STAG1: variants seen among roughly 807,000 people sequenced by gnomAD.
The protein encoded by STAG1 is cohesin subunit SA-1.
A neutral mutation model predicts 170.9 loss-of-function variants in STAG1; 26 were observed. The observed-to-expected ratio is 0.15, with a 90% CI of 0.11 to 0.21. The LOEUF is 0.21. Among genes scored for constraint, STAG1 ranks in the 10% least tolerant of loss-of-function variants. The pLI is 1.00. For missense variants in STAG1, 964 were observed against 1,509.5 expected (o/e 0.64, Z 5.99); for synonymous variants, 514 against 497.7 (o/e 1.03, Z -0.44).
intron 23 of STAG1, among the ~76,000 whole-genome samples, chr3:136,370,671 C>G (rs1033112409): frequency 2.0e-5 from 3 of 152,150 alleles, no homozygotes; most frequent in Non-Finnish European, 4.4e-5. Flanking sequence ...TCATCCATGT[C>G]CCTACAAAGG....
chr3:136,751,819 G>A (rs1184016392), intron 1 of STAG1, among the ~76,000 whole-genome samples: 9 of 150,826 alleles, frequency 6.0e-5, no homozygotes, highest in African/African-American at 7.3e-5. Context: ...GGGGGGGGGC[G>A]GAGGGCGGGC....
In STAG1 at chr3:136,683,414, C is replaced by A. The variant is rs1942407536; in HGVS notation, c.-83-52433G>T. Among the ~76,000 whole-genome samples, 3 of 152,148 alleles carry A rather than the reference C, an allele frequency of 2.0e-5. No homozygotes were observed. In the South Asian group the frequency reaches 6.2e-4, roughly 32 times the overall value. ...AAGTAGCTAGGACCACAGGTGCACA[C>A]CAACACACCCAGCTAATTTTTGTAT... On this transcript the variant is annotated intron_variant, in intron 1 of 33. Transcript: ENST00000383202.
intron 14 of STAG1, among the ~76,000 whole-genome samples, chr3:136,450,841 T>C (rs1425573285): frequency 6.6e-6 from 1 of 152,148 alleles, no homozygotes; most frequent in Non-Finnish European, 1.5e-5. Context: ...CTCTGCCTCC[T>C]GGGTTCAAGC....
In STAG1 at chr3:136,466,630, T is replaced by C. The variant is rs528630889; in HGVS notation, c.1206-1642A>G. The stretch of plus-strand genomic sequence containing the variant: ...CCAATCTAGCAAGGCAGGCCAACGT[T>C]CAGATTCAGGAAATACAGAGAACGC... On this transcript the variant is annotated intron_variant, in intron 12 of 33. Transcript: ENST00000383202. 8.9e-4 allele frequency among the ~76,000 whole-genome samples: 135 copies of C among 152,142 alleles called. 1 individual carries two copies. Among genetic ancestry groups the C allele is most frequent in the Admixed American group, 2.2e-3 (34 of 15,278 alleles).
chr3:136,604,454 C>T lies in STAG1; in HGVS notation c.152G>A (p.Arg51Gln), dbSNP rs1407019438. 2.5e-6 allele frequency: 4 copies of T among 1,598,808 alleles called. No individual in the cohort carries two copies. The highest frequency in any genetic ancestry group is 1.1e-5 in the South Asian group (1 of 87,372). ...TCTGCTCTTCTCACCTGGAGATTTT[C>T]GAGGTTTCTTATTTGTAGACTGAAA... is the stretch of plus-strand genomic sequence containing the variant. ...GRPPSTNKKP[R>Q]KSPGEKSRIE... Residue 51 changes from arginine (R) to glutamine (Q), a missense_variant, in exon 4 of 34, where the codon CGA becomes CAA. Coordinates refer to ENST00000383202, the MANE Select transcript of STAG1 (RefSeq NM_005862.3).
At chr3:136,615,037 T>G (rs1273841339) in intron 3 of STAG1, among the ~76,000 whole-genome samples, 1 of 152,116 alleles carries the variant, frequency 6.6e-6, no homozygotes, top group Non-Finnish European at 1.5e-5. Context: ...CTAAAAACCT[T>G]CTAAGAGAAA....
intron 1 of STAG1, among the ~76,000 whole-genome samples, chr3:136,660,079 A>G (rs1027651348): frequency 3.3e-5 from 5 of 152,258 alleles, no homozygotes; most frequent in Middle Eastern, 3.2e-3. Flanking sequence ...GCGTGTGCGC[A>G]TGTGTGTCTG....
intron 21 of STAG1, among the ~76,000 whole-genome samples, chr3:136,399,630 T>C (rs1005034353): frequency 6.6e-6 from 1 of 152,204 alleles, no homozygotes; most frequent in Non-Finnish European, 1.5e-5. Context: ...ACTTTTACAC[T>C]GCTTTGAGTT....
intron 4 of STAG1, among the ~76,000 whole-genome samples, chr3:136,589,129 G>A (rs981109518): frequency 6.6e-6 from 1 of 151,996 alleles, no homozygotes; most frequent in African/African-American, 2.4e-5. Context: ...AACCTCAGGT[G>A]ATCCGCCTGT....
intron 7 of STAG1, among the ~76,000 whole-genome samples, chr3:136,508,614 G>C (rs1933887775): frequency 6.6e-6 from 1 of 152,330 alleles, no homozygotes; most frequent in South Asian, 2.1e-4. Flanking sequence ...CATAAACCCA[G>C]AATTCAAGGT....
chr3:136,425,967 GT>G lies in STAG1; in HGVS notation c.1651-2924del, dbSNP rs527582100. 1.5e-3 allele frequency among the ~76,000 whole-genome samples: 224 copies of G among 148,032 alleles called. 1 individual carries two copies. Among genetic ancestry groups the G allele is most frequent in the South Asian group, 0.01 (48 of 4,680 alleles). ...TTCTTGTTTCATTAATTATCTCTCA[GT>G]TTTTTTTTTCTATGGCATTTTAGGG... On this transcript the variant is annotated intron_variant, in intron 16 of 33. Transcript: ENST00000383202.
intron 7 of STAG1, among the ~76,000 whole-genome samples, chr3:136,515,965 C>A (rs1934354350): frequency 6.6e-6 from 1 of 151,312 alleles, no homozygotes; most frequent in South Asian, 2.1e-4. Flanking sequence ...TAAAGTAAGA[C>A]AAAGTAAAAG....
chr3:136,692,442 CTGCT>C (rs1260334152), intron 1 of STAG1, among the ~76,000 whole-genome samples: 1 of 151,932 alleles, frequency 6.6e-6, no homozygotes, highest in Non-Finnish European at 1.5e-5. Context: ...CGAGACCAGC[CTGCT>C]TAACATGGTG....
At chr3:136,503,171 T>C (rs1933574305) in intron 7 of STAG1, among the ~76,000 whole-genome samples, 1 of 151,946 alleles carries the variant, frequency 6.6e-6, no homozygotes, top group Non-Finnish European at 1.5e-5. Flanking sequence ...TACCTTTACT[T>C]AAATGTGTCA....
At chr3:136,718,426 A>G (rs1463321382) in intron 1 of STAG1, among the ~76,000 whole-genome samples, 2 of 152,208 alleles carry the variant, frequency 1.3e-5, no homozygotes, top group African/African-American at 4.8e-5. Flanking sequence ...CTTTAAGTGA[A>G]ATTTTCAAGC....
In STAG1 at chr3:136,627,010, C is replaced by CTA. The variant is rs545452193; in HGVS notation, c.30-3764_30-3763dup. On this transcript the variant is annotated intron_variant, in intron 2 of 33. Transcript: ENST00000383202. ...TTGATGCTTACAAGTGTCCAGGCAA[C>CTA]TATAGGAGCAGGTTGGTTCTAGAAT... is the stretch of plus-strand genomic sequence containing the variant. Among the ~76,000 whole-genome samples, 54 of 152,318 alleles carry CTA rather than the reference C, an allele frequency of 3.5e-4. No homozygotes were observed. In the East Asian group the frequency reaches 0.01, roughly 28 times the overall value.
chr3:136,549,267 AATTG>A (rs1343389379), intron 5 of STAG1, among the ~76,000 whole-genome samples: 1 of 152,106 alleles, frequency 6.6e-6, no homozygotes, highest in Admixed American at 6.6e-5. Context: ...TACTTTGCCG[AATTG>A]ATTGATGAAT....
chr3:136,454,341 A>G (rs1482190592), intron 13 of STAG1, among the ~76,000 whole-genome samples: 1 of 151,030 alleles, frequency 6.6e-6, no homozygotes, highest in Non-Finnish European at 1.5e-5. Flanking sequence ...CAGCCTCCCA[A>G]AGTGCTGGGA....
rs1486193461 is a variant in STAG1 at position 136,417,893 on chromosome 3, G to C, written c.2188C>G (p.Pro730Ala). 2 of 1,612,734 alleles carry C rather than the reference G, an allele frequency of 1.2e-6. No individual in the cohort carries two copies. The highest frequency in any genetic ancestry group is 2.7e-5 in the African/African-American group (2 of 74,890). The change falls in exon 21 of 34, where the codon CCA becomes GCA. Residue 730 changes from proline (P) to alanine (A), a missense_variant. Physicochemically the swap from Pro to Ala is conservative, Grantham distance 27. Coordinates refer to ENST00000383202, the MANE Select transcript of STAG1 (RefSeq NM_005862.3). ...TACCAATAAACTCCTACCTGTTCTGGCATGGCTCCATGTTCAATTCCAGTC... is the reference window on the plus strand; with the variant it reads ...TACCAATAAACTCCTACCTGTTCTGCCATGGCTCCATGTTCAATTCCAGTC... ...LKTGIEHGAM[P>A]EQIVVQALQC...
Sources: allele counts gnomAD v4.1 joint callset (sites outside exome capture counted in the v4.1 genomes callset), GRCh38; gene constraint gnomAD v4.1.1; transcripts MANE v1.5; gene names NCBI Gene and HGNC (gene_info 2026-07-23, HGNC 2026-07-21).